Variants in ATP2B2 observed in about 807,000 individuals in gnomAD.
ATP2B2 encodes the protein ATPase plasma membrane Ca2+ transporting 2.
A neutral mutation model predicts 120.0 loss-of-function variants in ATP2B2; 15 were observed. The observed-to-expected ratio is 0.12, with a 90% CI of 0.08 to 0.19. The LOEUF (loss-of-function observed/expected upper bound fraction) is 0.19, where lower values mean the gene tolerates loss of function less well. ATP2B2 is among the 10% of genes least tolerant of loss of function. The pLI, the probability that ATP2B2 is intolerant of heterozygous loss-of-function variation, is 1.00. For missense variants in ATP2B2, 1,045 were observed against 1,719.8 expected (o/e 0.61, Z 6.94); for synonymous variants, 694 against 700.3 (o/e 0.99, Z 0.14).
At position 10,672,940 on chromosome 3, in the gene ATP2B2, G is replaced by C. The variant is rs540772838; in HGVS notation, c.-460+34975C>G. ...GAAAGGATGCTCCCAGAACTATTCA[G>C]AGAACACCCGCTGTGACACCCAGAA... On this transcript the variant is annotated intron_variant, in intron 1 of 21. Coordinates refer to the ATP2B2 transcript ENST00000646379. 4.6e-5 allele frequency among the ~76,000 whole-genome samples: 7 copies of C among 152,316 alleles called. No individual in the cohort carries two copies. In the East Asian group the frequency reaches 1.2e-3, roughly 25 times the overall value.
chr3:10,623,685 T>C (rs1355024571), intron 1 of ATP2B2, among the ~76,000 whole-genome samples: 2 of 152,244 alleles, frequency 1.3e-5, no homozygotes, highest in Non-Finnish European at 2.9e-5. Flanking sequence ...AGTATGTACC[T>C]GGTTCTCTGT....
intron 2 of ATP2B2, chr3:10,570,203 C>T (rs1328514303): frequency 1.3e-5 from 2 of 152,192 alleles, no homozygotes; most frequent in East Asian, 3.9e-4. Flanking sequence ...GCCACTAATT[C>T]ACTCTAAAAT....
Position 10,449,702 on chromosome 3 carries a change from C to T in ATP2B2, c.-159G>A, listed in dbSNP as rs1397450353. ...TCCCGGGGGGTGGGGGTGGCCGAGG[C>T]GGGCTGGTGACAGTGGTGGTGAGCT... On this transcript the variant is annotated 5_prime_UTR_variant, in exon 2 of 23. Transcript: ENST00000360273. 1.1e-5 allele frequency: 9 copies of T among 825,688 alleles called. No individual in the cohort carries two copies. The highest frequency in any genetic ancestry group is 2.0e-5 in the Admixed American group (1 of 50,248). The allele number at this position is 825,688 out of a possible 1,614,324, so 51.1% of individuals were successfully genotyped here. A position where few individuals can be genotyped will look rare whatever the true frequency, so the allele number is the denominator to read the frequency against.
intron 2 of ATP2B2, 105 bp from the exon 3 acceptor site, chr3:10,410,920 G>T: frequency 7.2e-7 from 1 of 1,389,234 alleles, no homozygotes; most frequent in Non-Finnish European, 1.0e-6. Context: ...AAACTTGCTG[G>T]TGGCTGGCCC....
At chr3:10,422,845 G>A (rs1280460994) in intron 2 of ATP2B2, among the ~76,000 whole-genome samples, 1 of 152,260 alleles carries the variant, frequency 6.6e-6, no homozygotes, top group Non-Finnish European at 1.5e-5. Flanking sequence ...AGTTTCCACT[G>A]ATTTAAACCT....
chr3:10,643,429 G>A (rs2070228523), intron 1 of ATP2B2, among the ~76,000 whole-genome samples: 1 of 152,320 alleles, frequency 6.6e-6, no homozygotes, highest in Admixed American at 6.5e-5. Flanking sequence ...TGGAGAAGCA[G>A]CATTATTTAC....
chr3:10,383,546 A>T (rs1226739300), intron 8 of ATP2B2, among the ~76,000 whole-genome samples: 1 of 152,098 alleles, frequency 6.6e-6, no homozygotes, highest in Admixed American at 6.5e-5. Context: ...CTGGATCAGG[A>T]GGAGAAGCAC....
rs1395697762 is a variant in ATP2B2, at chr3:10,410,824, A to G, written c.200-9T>C. The G allele has an allele frequency of 6.2e-7, 1 of 1,613,018 alleles. No individual in the cohort carries two copies. The highest frequency in any genetic ancestry group is 1.7e-5 in the Admixed American group (1 of 60,028). On this transcript the variant is annotated splice_polypyrimidine_tract_variant and intron_variant, in intron 2 of 22. Coordinates refer to ENST00000360273, the MANE Select transcript of ATP2B2 (RefSeq NM_001001331.4). ...AGCGGTGCCCGGCAAACCTGTGGAC[A>G]GAGAACAGAGAGGTTGGCTGGGGGC...
At chr3:10,656,241 G>C (rs2070624223) in intron 1 of ATP2B2, among the ~76,000 whole-genome samples, 1 of 152,192 alleles carries the variant, frequency 6.6e-6, no homozygotes, top group Non-Finnish European at 1.5e-5. Context: ...GTGTCAACCA[G>C]GGGTCCAGCC....
At chr3:10,470,003 C>T (rs1402531158) in intron 1 of ATP2B2, among the ~76,000 whole-genome samples, 1 of 152,138 alleles carries the variant, frequency 6.6e-6, no homozygotes, top group South Asian at 2.1e-4. Flanking sequence ...AACAGCGCAG[C>T]CCCCGTGGGG....
chr3:10,371,944 G>A lies in ATP2B2; in HGVS notation c.1524C>T (p.Arg508=), dbSNP rs772897405. The change falls in exon 12 of 23, where the codon CGC becomes CGT. Residue 508 remains arginine (R), a synonymous_variant. Coordinates refer to ENST00000360273, the MANE Select transcript of ATP2B2 (RefSeq NM_001001331.4). ...CGACATAGGCCTGTACCACTGTCAT[G>A]CGATTGGTGGTCAGCGTGCCTGTCT... ...SDKTGTLTTN[R]MTVVQAYVGD... 24 of 1,614,238 alleles carry A rather than the reference G, an allele frequency of 1.5e-5. No individual in the cohort carries two copies. Among genetic ancestry groups the A allele is most frequent in the Non-Finnish European group, 2.0e-5 (24 of 1,180,046 alleles).
At position 10,403,830 on chromosome 3, in the gene ATP2B2, G is replaced by A. The variant is rs539264726; in HGVS notation, c.398-1482C>T. 7.9e-5 allele frequency among the ~76,000 whole-genome samples: 12 copies of A among 152,304 alleles called. No homozygotes were observed. In the South Asian group the frequency reaches 2.1e-3, roughly 26 times the overall value. On this transcript the variant is annotated intron_variant, in intron 3 of 22. Coordinates refer to ENST00000360273, the MANE Select transcript of ATP2B2 (RefSeq NM_001001331.4). ...CTGGGGTCACATGGCAGATAATGGG[G>A]TTTGGATCCAGATCTGGGATCTGAC...
chr3:10,508,786 A>G (rs931019964), upstream of ATP2B2, among the ~76,000 whole-genome samples: 2 of 152,222 alleles, frequency 1.3e-5, no homozygotes, highest in Non-Finnish European at 2.9e-5. Flanking sequence ...TTGCAACTCC[A>G]GGAAGGTTGG....
At chr3:10,585,281 G>T (rs1477444877) in intron 2 of ATP2B2, among the ~76,000 whole-genome samples, 1 of 151,884 alleles carries the variant, frequency 6.6e-6, no homozygotes, top group Non-Finnish European at 1.5e-5. Flanking sequence ...GGATCACGAG[G>T]TCAGGAGATC....
At chr3:10,568,773 G>A (rs140170566) in intron 2 of ATP2B2, among the ~76,000 whole-genome samples, 56 of 152,266 alleles carry the variant, frequency 3.7e-4, no homozygotes, top group African/African-American at 1.3e-3. Context: ...ACCTATAGCC[G>A]TGTCTTTCTG....
chr3:10,400,363 G>T (rs1356785557), intron 5 of ATP2B2, among the ~76,000 whole-genome samples: 3 of 152,236 alleles, frequency 2.0e-5, no homozygotes, highest in African/African-American at 7.2e-5. Flanking sequence ...TTTTGCCCCT[G>T]CTGTTTCCTC....
chr3:10,339,137 C>A (rs2060207757), intron 21 of ATP2B2, among the ~76,000 whole-genome samples: 1 of 152,178 alleles, frequency 6.6e-6, no homozygotes, highest in African/African-American at 2.4e-5. Flanking sequence ...CTGGCATTAA[C>A]CTTTGTCCTC....
chr3:10,567,158 A>G (rs902356096), intron 2 of ATP2B2, among the ~76,000 whole-genome samples: 17 of 152,028 alleles, frequency 1.1e-4, no homozygotes, highest in African/African-American at 3.9e-4. Flanking sequence ...CCCAACCACA[A>G]TCTAACTGGG....
chr3:10,576,225 C>T (rs998193545), intron 2 of ATP2B2, among the ~76,000 whole-genome samples: 6 of 152,066 alleles, frequency 3.9e-5, no homozygotes, highest in African/African-American at 1.4e-4. Flanking sequence ...AGGGCAGGGC[C>T]GAGGATGTCC....
Sources: gnomAD v4.1 joint callset for allele counts (sites outside exome capture counted in the v4.1 genomes callset) on GRCh38, gnomAD v4.1.1 for gene constraint, MANE v1.5 for transcripts, NCBI Gene and HGNC (gene_info 2026-07-23, HGNC 2026-07-21) for gene names.